The following PRKN variants were observed in gnomAD, a reference collection of about 807,000 sequenced individuals.
PRKN encodes E3 ubiquitin-protein ligase parkin.
PRKN carries 56 observed loss-of-function variants against 59.5 expected under a neutral mutation model. That is an observed-to-expected ratio of 0.94 (90% CI 0.76 to 1.18). The LOEUF (loss-of-function observed/expected upper bound fraction) is 1.18, where lower values mean the gene tolerates loss of function less well. PRKN is among the 50% of genes most tolerant of loss of function. The pLI is 0.00. For missense variants in PRKN, 657 were observed against 596.4 expected (o/e 1.10, Z -1.06); for synonymous variants, 250 against 222.1 (o/e 1.13, Z -1.12).
At position 161,406,232 on chromosome 6, in the gene PRKN, A is replaced by C. The variant is rs1188225159; in HGVS notation, c.1084-19355T>G. 3.9e-5 allele frequency among the ~76,000 whole-genome samples: 6 copies of C among 151,960 alleles called. No individual in the cohort carries two copies. In the East Asian group the frequency reaches 1.2e-3, roughly 29 times the overall value. On this transcript the variant is annotated intron_variant, in intron 9 of 11. Coordinates refer to ENST00000366898, the MANE Select transcript of PRKN (RefSeq NM_004562.3). ...CACATATATACATATATATATATAC[A>C]CACACTTGATTTGAGGTGTTGGTTT...
chr6:161,819,237 C>T (rs1490585238), intron 6 of PRKN, among the ~76,000 whole-genome samples: 4 of 152,016 alleles, frequency 2.6e-5, no homozygotes, highest in Admixed American at 1.3e-4. Flanking sequence ...TGGGCTCATG[C>T]CTGTAATACT....
intron 6 of PRKN, among the ~76,000 whole-genome samples, chr6:161,896,047 G>T (rs1777614208): frequency 6.6e-6 from 1 of 152,182 alleles, no homozygotes; most frequent in Non-Finnish European, 1.5e-5. Context: ...AGCAGTGTTG[G>T]AGGAGAGACT....
chr6:162,558,151 A>G (rs1195045812), intron 1 of PRKN, among the ~76,000 whole-genome samples: 1 of 152,172 alleles, frequency 6.6e-6, no homozygotes, highest in Non-Finnish European at 1.5e-5. Context: ...ATGATAAAAA[A>G]AATCACTTTT....
chr6:162,609,734 A>C (rs969923420), intron 1 of PRKN, among the ~76,000 whole-genome samples: 3 of 152,226 alleles, frequency 2.0e-5, no homozygotes, highest in African/African-American at 7.2e-5. Context: ...CATTAAACAA[A>C]ATAAAACTAA....
intron 6 of PRKN, among the ~76,000 whole-genome samples, chr6:161,868,571 ACT>A (rs1343969274): frequency 6.6e-6 from 1 of 151,968 alleles, no homozygotes; most frequent in African/African-American, 2.4e-5. Flanking sequence ...AGAGAGTGAG[ACT>A]CTGTCTCTAA....
chr6:162,091,021 G>C (rs1434562020), intron 4 of PRKN, among the ~76,000 whole-genome samples: 1 of 152,046 alleles, frequency 6.6e-6, no homozygotes, highest in East Asian at 1.9e-4. Flanking sequence ...AAATAGCCTT[G>C]CTAGCTCCCT....
chr6:162,597,817 CA>C (rs1331657227), intron 1 of PRKN, among the ~76,000 whole-genome samples: 1 of 152,124 alleles, frequency 6.6e-6, no homozygotes. Flanking sequence ...TTTCAGGTTA[CA>C]AAGGAACTGT....
chr6:162,660,415 T>A (rs1235287334), intron 1 of PRKN, among the ~76,000 whole-genome samples: 3 of 152,186 alleles, frequency 2.0e-5, no homozygotes, highest in African/African-American at 7.2e-5. Context: ...TCACACTGTG[T>A]CTTTGTATGC....
intron 7 of PRKN, among the ~76,000 whole-genome samples, chr6:161,716,720 A>T (rs1350310793): frequency 6.6e-6 from 1 of 152,228 alleles, no homozygotes; most frequent in African/African-American, 2.4e-5. Context: ...AACAATGGTG[A>T]AACAAAACAG....
intron 7 of PRKN, among the ~76,000 whole-genome samples, chr6:161,764,393 C>G (rs971773128): frequency 1.2e-4 from 18 of 152,276 alleles, no homozygotes; most frequent in Admixed American, 1.1e-3. Flanking sequence ...TTTGCTTTAT[C>G]TGACATTTTA....
At chr6:161,531,155 G>A (rs1186495820) in intron 9 of PRKN, among the ~76,000 whole-genome samples, 2 of 152,020 alleles carry the variant, frequency 1.3e-5, no homozygotes, top group South Asian at 2.1e-4. Flanking sequence ...GCTGAGGCGG[G>A]CAGATCACGA....
intron 2 of PRKN, among the ~76,000 whole-genome samples, chr6:162,410,471 G>C (rs1424559843): frequency 2.0e-5 from 3 of 152,188 alleles, no homozygotes; most frequent in Admixed American, 6.5e-5. Flanking sequence ...GGGGAAGAAG[G>C]GGGAGAATGC....
intron 7 of PRKN, among the ~76,000 whole-genome samples, chr6:161,763,842 C>G (rs1789310948): frequency 6.6e-6 from 1 of 152,156 alleles, no homozygotes; most frequent in South Asian, 2.1e-4. Context: ...GCATTACCTT[C>G]AACGCCTGCC....
intron 2 of PRKN, among the ~76,000 whole-genome samples, chr6:162,437,758 A>G (rs1204445783): frequency 6.6e-6 from 1 of 152,216 alleles, no homozygotes; most frequent in Non-Finnish European, 1.5e-5. Flanking sequence ...GTATATCAAC[A>G]GTCGGCTCCT....
chr6:161,434,881 G>A (rs76729379), intron 9 of PRKN, among the ~76,000 whole-genome samples: 11,926 of 152,160 alleles, frequency 0.078, 671 homozygotes, highest in Non-Finnish European at 0.12. Flanking sequence ...CAAGTTTGGC[G>A]CGGAAAAACA....
chr6:161,717,570 TGGGGC>T (rs922853842), intron 7 of PRKN, among the ~76,000 whole-genome samples: 21 of 152,096 alleles, frequency 1.4e-4, no homozygotes, highest in Admixed American at 3.3e-4. Context: ...GCGGAGATGG[TGGGGC>T]GGTAGAGGGA....
intron 6 of PRKN, among the ~76,000 whole-genome samples, chr6:161,797,853 C>G (rs1414850552): frequency 6.6e-6 from 1 of 152,008 alleles, no homozygotes; most frequent in South Asian, 2.1e-4. Context: ...GTATACCATC[C>G]CAAAGTATTT....
chr6:162,511,780 C>T (rs777780968), intron 1 of PRKN, among the ~76,000 whole-genome samples: 5 of 152,122 alleles, frequency 3.3e-5, no homozygotes, highest in Non-Finnish European at 7.4e-5. Flanking sequence ...CCCCATGATA[C>T]GTGATCTACA....
intron 1 of PRKN, among the ~76,000 whole-genome samples, chr6:162,456,434 A>G (rs1218786317): frequency 2.0e-5 from 3 of 152,316 alleles, no homozygotes; most frequent in Non-Finnish European, 4.4e-5. Context: ...ATGACACATC[A>G]TGATTCACTA....
Sources: allele counts gnomAD v4.1 joint callset (sites outside exome capture counted in the v4.1 genomes callset), GRCh38; gene constraint gnomAD v4.1.1; transcripts MANE v1.5; gene names NCBI Gene and HGNC (gene_info 2026-07-23, HGNC 2026-07-21).